SMAD1: variants seen among roughly 807,000 people sequenced by gnomAD.
SMAD1 encodes SMAD family member 1.
A neutral mutation model predicts 41.6 loss-of-function variants in SMAD1; 6 were observed. That is an observed-to-expected ratio of 0.14 (90% CI 0.08 to 0.28). SMAD1 has a LOEUF of 0.28. Ranked by LOEUF, SMAD1 falls within the 10% of genes least tolerant of loss-of-function variation. The pLI, the probability that SMAD1 is intolerant of heterozygous loss-of-function variation, is 1.00. For missense variants in SMAD1, 379 were observed against 582.6 expected, an observed-to-expected ratio of 0.65 and a Z score of 3.60; for synonymous variants, 206 against 203.2, an observed-to-expected ratio of 1.01 and a Z score of -0.12.
chr4:145,534,421 A>G (rs996843729), intron 2 of SMAD1, among the ~76,000 whole-genome samples: 3 of 152,224 alleles, frequency 2.0e-5, no homozygotes, highest in Non-Finnish European at 4.4e-5. Flanking sequence ...CCGGAGGTAA[A>G]CAAGGTGATA....
intron 5 of SMAD1, among the ~76,000 whole-genome samples, chr4:145,552,188 A>G (rs1732585491): frequency 6.6e-6 from 1 of 152,226 alleles, no homozygotes; most frequent in Admixed American, 6.5e-5. Context: ...CATTTTTATC[A>G]TCAGGAAAAA....
At chr4:145,494,080 G>A (rs1728924495) in intron 1 of SMAD1, among the ~76,000 whole-genome samples, 1 of 152,178 alleles carries the variant, frequency 6.6e-6, no homozygotes, top group Non-Finnish European at 1.5e-5. Context: ...TCCTGCCTCA[G>A]CATCCTGAGT....
At chr4:145,518,718 A>C (rs1358884174) in intron 2 of SMAD1, among the ~76,000 whole-genome samples, 1 of 125,698 alleles carries the variant, frequency 8.0e-6, no homozygotes, top group Non-Finnish European at 2.0e-5. Context: ...TAGCAGTTTA[A>C]CATATTTAAG....
Position 145,482,271 on chromosome 4 carries a change from C to T in SMAD1, c.-177+233C>T, listed in dbSNP as rs750569451. 2.5e-4 allele frequency among the ~76,000 whole-genome samples: 38 copies of T among 151,388 alleles called. No homozygotes were observed. The highest frequency in any genetic ancestry group is 4.7e-4 in the Non-Finnish European group (32 of 67,740). On this transcript the variant is annotated intron_variant, in intron 1 of 6. Transcript: ENST00000302085. This position sits in a 1 kb window ranked among gnomAD's most constrained non-coding sequence, Gnocchi z 4.2. The stretch of plus-strand genomic sequence containing the variant: ...CTCCCGTCTGCTCGGAGGAGCGAAC[C>T]TGCTACCACGTCTTCTCGCGCCCAG...
At chr4:145,490,377 G>A (rs7672306) in intron 1 of SMAD1, among the ~76,000 whole-genome samples, 6,938 of 152,292 alleles carry the variant, frequency 0.046, 473 homozygotes, top group African/African-American at 0.14. Flanking sequence ...CTGGGATGGT[G>A]AGGAGGAAGA....
Position 145,482,478 on chromosome 4 carries a change from G to C in SMAD1, c.-177+440G>C, listed in dbSNP as rs542445851. ...GGGCCGAGGCCCGTTCGCGTGGCCC[G>C]CGGACCCATTGTGTCCCCCGCGCCG... On this transcript the variant is annotated intron_variant, in intron 1 of 6. Transcript: ENST00000302085. The surrounding 1 kb of genome is among the most constrained non-coding windows in gnomAD (Gnocchi z 4.2). The C allele has an allele frequency of 1.6e-4, 24 of 151,986 alleles. No individual in the cohort carries two copies. Among genetic ancestry groups the C allele is most frequent in the African/African-American group, 5.5e-4 (23 of 41,490 alleles). 9.4% of individuals were successfully genotyped at this position (151,986 alleles called of 1,614,324 possible). A position where few individuals can be genotyped will look rare whatever the true frequency, so the allele number is the denominator to read the frequency against.
At chr4:145,493,381 C>T (rs1466633279) in intron 1 of SMAD1, among the ~76,000 whole-genome samples, 1 of 152,188 alleles carries the variant, frequency 6.6e-6, no homozygotes, top group Non-Finnish European at 1.5e-5. Flanking sequence ...TTGCTTTTTG[C>T]ACATTGCTGG....
chr4:145,540,949 G>C (rs976406490), intron 3 of SMAD1, among the ~76,000 whole-genome samples: 8 of 152,056 alleles, frequency 5.3e-5, no homozygotes, highest in African/African-American at 1.9e-4. Flanking sequence ...CATTTATATT[G>C]CTTTCTTTTA....
chr4:145,539,983 A>C lies in SMAD1; in HGVS notation c.580A>C (p.Asn194His), dbSNP rs1384430349. The C allele has an allele frequency of 1.2e-6, 2 of 1,613,934 alleles. No homozygotes were observed. Among genetic ancestry groups the C allele is most frequent in the South Asian group, 1.1e-5 (1 of 91,074 alleles). ...TCACTCTCCCAATAGCAGTTACCCA[A>C]ACTCTCCTGGGAGCAGCAGCAGCAC... ...FPHSPNSSYP[N>H]SPGSSSSTYP... The change falls in exon 3 of 7, where the codon AAC (asparagine) becomes CAC (histidine). Residue 194 changes from asparagine to histidine, a missense_variant. This residue lies in a region of SMAD1 where 208 missense variants were observed against 210.5 expected (regional missense o/e 0.99). Coordinates refer to ENST00000302085, the MANE Select transcript of SMAD1 (RefSeq NM_005900.3).
chr4:145,554,269 GCCTTTT>G (rs1023725160), intron 6 of SMAD1, among the ~76,000 whole-genome samples: 4 of 151,884 alleles, frequency 2.6e-5, no homozygotes, highest in Non-Finnish European at 5.9e-5. Context: ...GGTTTTACTA[GCCTTTT>G]CCTTATTCAG....
chr4:145,498,478 C>G (rs929066520), intron 1 of SMAD1, among the ~76,000 whole-genome samples: 3 of 152,094 alleles, frequency 2.0e-5, no homozygotes, highest in Non-Finnish European at 4.4e-5. Context: ...AGAAATAACT[C>G]TCTTACCTAC....
chr4:145,533,173 C>T (rs1356906653), intron 2 of SMAD1, among the ~76,000 whole-genome samples: 1 of 152,068 alleles, frequency 6.6e-6, no homozygotes, highest in African/African-American at 2.4e-5. Flanking sequence ...TGTCTCCTCT[C>T]TGCCACATTA....
intron 5 of SMAD1, among the ~76,000 whole-genome samples, chr4:145,548,529 C>T (rs557375769): frequency 2.6e-5 from 4 of 152,088 alleles, no homozygotes; most frequent in Non-Finnish European, 5.9e-5. Context: ...TGTGCCTGGC[C>T]TCAGTACGGT....
At chr4:145,543,662 A>G (rs879895513) in intron 4 of SMAD1, among the ~76,000 whole-genome samples, 1 of 152,180 alleles carries the variant, frequency 6.6e-6, no homozygotes, top group Non-Finnish European at 1.5e-5. Flanking sequence ...GGATGCCATC[A>G]TTCTTCCAGC....
intron 2 of SMAD1, among the ~76,000 whole-genome samples, chr4:145,528,121 T>G (rs1560748950): frequency 6.7e-6 from 1 of 150,224 alleles, no homozygotes; most frequent in African/African-American, 2.4e-5. Context: ...TTTTTTTTTT[T>G]GAAATTGAGT....
intron 1 of SMAD1, among the ~76,000 whole-genome samples, chr4:145,509,085 G>A (rs1387390861): frequency 6.6e-6 from 1 of 152,196 alleles, no homozygotes; most frequent in African/African-American, 2.4e-5. Flanking sequence ...TAAATGCACA[G>A]CACATGGGCC....
chr4:145,551,458 AAG>A (rs1732553393), intron 5 of SMAD1, among the ~76,000 whole-genome samples: 2 of 152,190 alleles, frequency 1.3e-5, no homozygotes, highest in South Asian at 4.2e-4. Context: ...AGGTTTAACT[AAG>A]AGATTGCAAA....
intron 2 of SMAD1, among the ~76,000 whole-genome samples, chr4:145,535,251 A>G (rs1218574722): frequency 2.6e-5 from 4 of 152,304 alleles, no homozygotes; most frequent in South Asian, 4.1e-4. Flanking sequence ...ACAGTGCAAA[A>G]TGGTGCAACC....
At chr4:145,536,932 C>A (rs548132662) in intron 2 of SMAD1, among the ~76,000 whole-genome samples, 2 of 152,006 alleles carry the variant, frequency 1.3e-5, no homozygotes, top group African/African-American at 4.8e-5. Context: ...ATCTAGTAGT[C>A]CAACCAAAAA....
Sources: allele counts gnomAD v4.1 joint callset (sites outside exome capture counted in the v4.1 genomes callset), GRCh38; gene constraint gnomAD v4.1.1; regional missense constraint gnomAD v4.1.1; non-coding constraint Gnocchi (gnomAD v3.1); transcripts MANE v1.5; gene names NCBI Gene and HGNC (gene_info 2026-07-23, HGNC 2026-07-21).